The following CCNY variants were observed in gnomAD, a reference collection of about 807,000 sequenced individuals.
CCNY encodes the protein cyclin-Y.
A neutral mutation model predicts 42.8 loss-of-function variants in CCNY; 19 were observed. The observed-to-expected ratio is 0.44, with a 90% CI of 0.31 to 0.65. The LOEUF is 0.65. Ranked by LOEUF, CCNY falls within the 30% of genes least tolerant of loss-of-function variation. The probability of loss-of-function intolerance (pLI) is 0.07; values close to 1 mark genes in which losing one functional copy is unlikely to be tolerated. For missense variants in CCNY, 370 were observed against 437.3 expected, an observed-to-expected ratio of 0.85 and a Z score of 1.37; for synonymous variants, 165 against 162.7, an observed-to-expected ratio of 1.01 and a Z score of -0.11.
At chr10:35,563,595 T>C (rs1841508373) in intron 8 of CCNY, among the ~76,000 whole-genome samples, 1 of 152,228 alleles carries the variant, frequency 6.6e-6, no homozygotes. Context: ...TGTTGAAGTC[T>C]TACCTGGATT....
At chr10:35,444,834 C>T (rs1051269253) in intron 1 of CCNY, among the ~76,000 whole-genome samples, 7 of 151,896 alleles carry the variant, frequency 4.6e-5, no homozygotes, top group Non-Finnish European at 8.8e-5. Flanking sequence ...GTGGAGGAGG[C>T]GAGAGGTAGA....
chr10:35,382,949 ACT>A (rs1451017490), intron 1 of CCNY, among the ~76,000 whole-genome samples: 3 of 152,004 alleles, frequency 2.0e-5, no homozygotes, highest in African/African-American at 7.3e-5. Flanking sequence ...ACCATACTAC[ACT>A]CTGTGTACCC....
At chr10:35,427,440 G>A (rs1838295045) in intron 1 of CCNY, among the ~76,000 whole-genome samples, 2 of 152,228 alleles carry the variant, frequency 1.3e-5, no homozygotes, top group South Asian at 4.1e-4. Flanking sequence ...AGGTTGAGTG[G>A]TGGCTGTGCC....
chr10:35,461,756 T>G (rs1839162349), intron 1 of CCNY, among the ~76,000 whole-genome samples: 1 of 152,200 alleles, frequency 6.6e-6, no homozygotes, highest in Non-Finnish European at 1.5e-5. Flanking sequence ...TGTGTATTAT[T>G]CATGGCAAAG....
intron 1 of CCNY, among the ~76,000 whole-genome samples, chr10:35,429,296 T>C (rs1838334603): frequency 6.6e-6 from 1 of 152,234 alleles, no homozygotes; most frequent in Non-Finnish European, 1.5e-5. Flanking sequence ...AGTTTTTGTT[T>C]TGAGAAAGTT....
At chr10:35,400,054 C>T (rs1446012425) in intron 1 of CCNY, among the ~76,000 whole-genome samples, 1 of 151,846 alleles carries the variant, frequency 6.6e-6, no homozygotes, top group African/African-American at 2.4e-5. Context: ...TGCAATGGGT[C>T]CCTTCTGACA....
intron 3 of CCNY, among the ~76,000 whole-genome samples, chr10:35,509,369 C>A (rs912366110): frequency 6.6e-6 from 1 of 152,074 alleles, no homozygotes; most frequent in Non-Finnish European, 1.5e-5. Context: ...TCTGCCTTCC[C>A]GGTTCAAGTG....
chr10:35,309,759 T>A (rs1320312922), intron 3 of CCNY, among the ~76,000 whole-genome samples: 1 of 151,948 alleles, frequency 6.6e-6, no homozygotes, highest in African/African-American at 2.4e-5. Flanking sequence ...TATTGATACA[T>A]GATAGTTATA....
chr10:35,532,045 C>G (rs1840780319), intron 7 of CCNY, among the ~76,000 whole-genome samples: 1 of 152,188 alleles, frequency 6.6e-6, no homozygotes, highest in Non-Finnish European at 1.5e-5. Flanking sequence ...GACCAGGATA[C>G]CAGTTTGTAT....
At chr10:35,276,447 A>G (rs560924812) in intron 3 of CCNY, among the ~76,000 whole-genome samples, 32 of 152,286 alleles carry the variant, frequency 2.1e-4, no homozygotes, top group African/African-American at 6.3e-4. Context: ...GTGCAATGGC[A>G]TAATCATAGC....
chr10:35,331,343 A>G (rs1835941237), intron 3 of CCNY, among the ~76,000 whole-genome samples: 2 of 152,190 alleles, frequency 1.3e-5, no homozygotes, highest in African/African-American at 4.8e-5. Flanking sequence ...CTCTTCTTGA[A>G]AAGTATGGAA....
chr10:35,478,454 G>C (rs890590268), intron 1 of CCNY, among the ~76,000 whole-genome samples: 2 of 151,530 alleles, frequency 1.3e-5, no homozygotes, highest in Non-Finnish European at 2.9e-5. Context: ...TAGATCAATG[G>C]AACAGAACAG....
chr10:35,558,268 T>G (rs1422415130), intron 8 of CCNY, among the ~76,000 whole-genome samples: 1 of 152,122 alleles, frequency 6.6e-6, no homozygotes, highest in Admixed American at 6.5e-5. Context: ...GCCTTTCCCT[T>G]CCAGGGTAGG....
At chr10:35,389,464 G>A (rs925414435) in intron 1 of CCNY, among the ~76,000 whole-genome samples, 1 of 143,366 alleles carries the variant, frequency 7.0e-6, no homozygotes, top group Non-Finnish European at 1.5e-5. Context: ...TTTTTGAGAC[G>A]GAGTCTAGCT....
At chr10:35,425,772 T>C (rs2089067294) in intron 1 of CCNY, among the ~76,000 whole-genome samples, 1 of 152,216 alleles carries the variant, frequency 6.6e-6, no homozygotes, top group Non-Finnish European at 1.5e-5. Flanking sequence ...TTCTAACTTT[T>C]ACATCTGTGT....
intron 1 of CCNY, among the ~76,000 whole-genome samples, chr10:35,462,187 A>G (rs1208960728): frequency 2.6e-5 from 4 of 152,210 alleles, no homozygotes; most frequent in Non-Finnish European, 4.4e-5. Flanking sequence ...GATGTTTTTC[A>G]CTAAAGTAAC....
Position 35,256,390 on chromosome 10 carries a change from C to A in CCNY, c.-9+5764C>A, listed in dbSNP as rs149035417. ...TTTTCTCTGGTTACCATGGAGATCGCATTTAACTTCCTAAAGTTATAAAAT... is the reference window on the plus strand; with the variant it reads ...TTTTCTCTGGTTACCATGGAGATCGAATTTAACTTCCTAAAGTTATAAAAT... On this transcript the variant is annotated intron_variant, in intron 3 of 11. Coordinates refer to the CCNY transcript ENST00000374706. Among the ~76,000 whole-genome samples, 372 of 152,188 alleles carry A rather than the reference C, an allele frequency of 2.4e-3. 2 individuals are homozygous for A. Among genetic ancestry groups the A allele is most frequent in the Non-Finnish European group, 3.8e-3 (261 of 68,008 alleles).
intron 1 of CCNY, among the ~76,000 whole-genome samples, chr10:35,348,845 A>G (rs183040862): frequency 6.6e-6 from 1 of 151,828 alleles, no homozygotes; most frequent in Admixed American, 6.5e-5. Flanking sequence ...CTTTCATGGA[A>G]CTAATATTCT....
intron 1 of CCNY, among the ~76,000 whole-genome samples, chr10:35,368,635 G>A (rs902675968): frequency 1.4e-5 from 2 of 138,368 alleles, no homozygotes; most frequent in African/African-American, 5.9e-5. Context: ...GACTCCTCCT[G>A]GGGGTGTCAG....
Sources: allele counts gnomAD v4.1 joint callset (sites outside exome capture counted in the v4.1 genomes callset), GRCh38; gene constraint gnomAD v4.1.1; transcripts MANE v1.5; gene names NCBI Gene and HGNC (gene_info 2026-07-23, HGNC 2026-07-21).